Variants in ABTB2 observed in about 807,000 individuals in gnomAD.
ABTB2 encodes ankyrin repeat and BTB domain containing 2.
Under a neutral mutation model 104.1 loss-of-function variants are expected in ABTB2, and 56 were observed. The observed-to-expected ratio is 0.54, with a 90% CI of 0.43 to 0.67. The LOEUF is 0.67. ABTB2 is among the 30% of genes least tolerant of loss of function. ABTB2 has a pLI of 0.00. For missense variants in ABTB2, 1,279 were observed against 1,407.7 expected (o/e 0.91, Z 1.46); for synonymous variants, 606 against 608.2 (o/e 1.00, Z 0.05).
intron 1 of ABTB2, among the ~76,000 whole-genome samples, chr11:34,212,394 A>G (rs1853491949): frequency 6.6e-6 from 1 of 152,230 alleles, no homozygotes; most frequent in South Asian, 2.1e-4. Context: ...TAATAAATGG[A>G]CATGGACTAC....
chr11:34,269,361 A>C (rs947070980), intron 1 of ABTB2, among the ~76,000 whole-genome samples: 8 of 152,184 alleles, frequency 5.3e-5, no homozygotes, highest in Non-Finnish European at 8.8e-5. Context: ...TGAGATCTGA[A>C]GATATTCCTT....
At chr11:34,248,096 T>TAAAAAAAA (rs1157412906) in intron 1 of ABTB2, among the ~76,000 whole-genome samples, 1 of 116,234 alleles carries the variant, frequency 8.6e-6, no homozygotes, top group Non-Finnish European at 1.8e-5. Flanking sequence ...TAATTTTTCT[T>TAAAAAAAA]AAAAAAAAAA....
rs375496186 is a variant in ABTB2, at chr11:34,154,745, C to T, written c.2722G>A (p.Gly908Arg). The T allele has an allele frequency of 2.2e-5, 36 of 1,614,018 alleles. No homozygotes were observed. Among genetic ancestry groups the T allele is most frequent in the Middle Eastern group, 3.3e-4 (2 of 6,082 alleles). ...FQMMMQYLYY[G>R]GTESMEIPTT... ...GGGATCTCCATGGATTCTGTTCCTCCGTAGTACAGATACTGCATCATCATC... is the reference window on the plus strand; with the variant it reads ...GGGATCTCCATGGATTCTGTTCCTCTGTAGTACAGATACTGCATCATCATC... The change falls in exon 15 of 17, where the codon GGA becomes AGA. Residue 908 changes from glycine (G) to arginine (R), a missense_variant. By Grantham distance (125) the Gly-to-Arg change is moderately radical. Coordinates refer to ENST00000435224, the MANE Select transcript of ABTB2 (RefSeq NM_145804.3). This position sits in a 1 kb window ranked among gnomAD's most constrained non-coding sequence, Gnocchi z 4.9.
intron 1 of ABTB2, among the ~76,000 whole-genome samples, chr11:34,274,130 G>A (rs573230239): frequency 7.8e-6 from 1 of 127,994 alleles, no homozygotes; most frequent in East Asian, 2.2e-4. Context: ...CCGCAGTCCG[G>A]CCTGGGCGAC....
intron 3 of ABTB2, among the ~76,000 whole-genome samples, chr11:34,181,033 T>A (rs1355685717): frequency 6.6e-6 from 1 of 152,128 alleles, no homozygotes; most frequent in African/African-American, 2.4e-5. Context: ...GCCTCCTGAG[T>A]AGCTGGGACT....
At position 34,260,429 on chromosome 11, in the gene ABTB2, G is replaced by A. The variant is rs139231336; in HGVS notation, c.884-55739C>T. ...ATAATAAACACAGAAGGTCCCAACC[G>A]CTGATCACGGTGTAATTCAATGAGG... On this transcript the variant is annotated intron_variant, in intron 1 of 16. Coordinates refer to ENST00000435224, the MANE Select transcript of ABTB2 (RefSeq NM_145804.3). 2.2e-3 allele frequency among the ~76,000 whole-genome samples: 333 copies of A among 152,300 alleles called. 5 individuals carry two copies. The East Asian group carries it at 0.033, about 15-fold the overall frequency.
intron 1 of ABTB2, among the ~76,000 whole-genome samples, chr11:34,230,208 C>G (rs1310306002): frequency 2.0e-5 from 3 of 152,204 alleles, no homozygotes; most frequent in Admixed American, 2.0e-4. Flanking sequence ...GCAGGGGGAC[C>G]GGTGACCTTG....
intron 3 of ABTB2, among the ~76,000 whole-genome samples, chr11:34,187,207 C>T (rs979911647): frequency 3.3e-5 from 5 of 152,174 alleles, no homozygotes; most frequent in South Asian, 2.1e-4. Flanking sequence ...TTCCAGCCCA[C>T]GTAAAGATAG....
chr11:34,215,536 A>C (rs1853540646), intron 1 of ABTB2, among the ~76,000 whole-genome samples: 1 of 152,294 alleles, frequency 6.6e-6, no homozygotes, highest in African/African-American at 2.4e-5. Context: ...CAATTCCAAA[A>C]GGGATTGATC....
At chr11:34,304,696 T>G in intron 1 of ABTB2, among the ~76,000 whole-genome samples, 1 of 144,262 alleles carries the variant, frequency 6.9e-6, no homozygotes, top group Admixed American at 7.0e-5. Flanking sequence ...AGGAGGGAAA[T>G]GGAGGGGAAG....
At position 34,314,696 on chromosome 11, in the gene ABTB2, G is replaced by A. The variant is rs142518762; in HGVS notation, c.883+42005C>T. On this transcript the variant is annotated intron_variant, in intron 1 of 16. Coordinates refer to ENST00000435224, the MANE Select transcript of ABTB2 (RefSeq NM_145804.3). ...CAACCTCCCCCTGGTATCCGATGCT[G>A]GTGCCTGGATCCTCTTAGAAGGACT... Among the ~76,000 whole-genome samples, 6 of 152,314 alleles carry A rather than the reference G, an allele frequency of 3.9e-5. No individual in the cohort carries two copies. The East Asian group carries it at 1.2e-3, about 29-fold the overall frequency.
At chr11:34,243,321 G>A (rs1439379749) in intron 1 of ABTB2, among the ~76,000 whole-genome samples, 1 of 152,098 alleles carries the variant, frequency 6.6e-6, no homozygotes, top group African/African-American at 2.4e-5. Context: ...CGCCCAGCCT[G>A]GAGTGCAGTG....
intron 1 of ABTB2, among the ~76,000 whole-genome samples, chr11:34,265,469 T>G (rs1358789712): frequency 1.3e-5 from 2 of 151,976 alleles, no homozygotes; most frequent in Admixed American, 1.3e-4. Flanking sequence ...CAGACCAGTC[T>G]GATCAACATG....
intron 1 of ABTB2, among the ~76,000 whole-genome samples, chr11:34,294,778 C>T (rs556321700): frequency 1.7e-3 from 187 of 112,030 alleles, no homozygotes; most frequent in Middle Eastern, 0.013. Flanking sequence ...TGCAGTGGTG[C>T]GATCTCAGCT....
intron 1 of ABTB2, among the ~76,000 whole-genome samples, chr11:34,251,689 GGTGA>G (rs1367766043): frequency 2.0e-5 from 3 of 152,156 alleles, no homozygotes; most frequent in African/African-American, 7.2e-5. Flanking sequence ...AATGCAAAAA[GGTGA>G]GTATGTTCTT....
At chr11:34,204,828 C>G in intron 1 of ABTB2, 138 bp from the exon 2 acceptor site, 2 of 1,001,258 alleles carry the variant, frequency 2.0e-6, no homozygotes, top group South Asian at 3.6e-5. Context: ...TCTCTCTGAG[C>G]CTTGAGGACT....
intron 2 of ABTB2, 94 bp downstream of exon 2, chr11:34,204,450 T>TGGA: frequency 2.1e-6 from 3 of 1,439,388 alleles, no homozygotes; most frequent in East Asian, 2.4e-5. Flanking sequence ...CCAGAGCACT[T>TGGA]GGAGGAGGAG....
intron 9 of ABTB2, among the ~76,000 whole-genome samples, chr11:34,164,200 G>A (rs1443232317): frequency 6.6e-6 from 1 of 152,136 alleles, no homozygotes; most frequent in South Asian, 2.1e-4. Flanking sequence ...ACTTCAGCCT[G>A]CTGCTGTCCC....
chr11:34,162,447 C>T (rs961130847), intron 10 of ABTB2, 129 bp downstream of exon 10: 3 of 1,028,380 alleles, frequency 2.9e-6, no homozygotes, highest in Non-Finnish European at 4.2e-6. Flanking sequence ...AGTCTGTGCT[C>T]AGCTGCCCTG....
Sources: gnomAD v4.1 joint callset for allele counts (sites outside exome capture counted in the v4.1 genomes callset) on GRCh38, gnomAD v4.1.1 for gene constraint, Gnocchi (gnomAD v3.1) non-coding constraint, MANE v1.5 for transcripts, NCBI Gene and HGNC (gene_info 2026-07-23, HGNC 2026-07-21) for gene names.